The following ERICH1 variants were observed in gnomAD, a reference collection of about 807,000 sequenced individuals.
The protein encoded by ERICH1 is glutamate-rich protein 1.
In ERICH1, 56 loss-of-function variants were observed where a neutral mutation model predicts 39.6. That is an observed-to-expected ratio of 1.41 (90% CI 1.14 to 1.77). The LOEUF is 1.77. ERICH1 is among the 40% of genes most tolerant of loss of function. The pLI, the probability that ERICH1 is intolerant of heterozygous loss-of-function variation, is 0.00. For missense variants in ERICH1, 826 were observed against 575.4 expected (o/e 1.44, Z -4.45); for synonymous variants, 313 against 223.6 (o/e 1.40, Z -3.57).
At chr8:691,927 T>C (rs1403948923) in intron 3 of ERICH1, among the ~76,000 whole-genome samples, 1 of 152,244 alleles carries the variant, frequency 6.6e-6, no homozygotes, top group Non-Finnish European at 1.5e-5. Context: ...GTAAAAAGTA[T>C]ATGGGCAACT....
At chr8:719,586 G>A (rs1207024453) in intron 1 of ERICH1, among the ~76,000 whole-genome samples, 1 of 152,216 alleles carries the variant, frequency 6.6e-6, no homozygotes, top group Non-Finnish European at 1.5e-5. Context: ...CGCGGGACCA[G>A]ATCCTTTTCC....
intron 3 of ERICH1, among the ~76,000 whole-genome samples, chr8:628,376 G>C (rs1485513936): frequency 1.3e-5 from 2 of 152,194 alleles, no homozygotes; most frequent in Non-Finnish European, 2.9e-5. Flanking sequence ...ATAACTTTTG[G>C]CCTCTTGAGA....
intron 3 of ERICH1, among the ~76,000 whole-genome samples, chr8:688,259 G>A (rs1228445014): frequency 1.6e-5 from 2 of 124,948 alleles, no homozygotes; most frequent in Non-Finnish European, 3.5e-5. Flanking sequence ...GCGGCACCCC[G>A]CCCCCAGTTC....
At chr8:714,914 G>A (rs1014094066) in intron 2 of ERICH1, among the ~76,000 whole-genome samples, 1 of 152,100 alleles carries the variant, frequency 6.6e-6, no homozygotes, top group East Asian at 1.9e-4. Context: ...ACCTCTTCCT[G>A]CATCTCTCGG....
intron 2 of ERICH1, among the ~76,000 whole-genome samples, chr8:693,975 T>C (rs1228996172): frequency 2.0e-5 from 3 of 147,628 alleles, no homozygotes; most frequent in Non-Finnish European, 3.0e-5. Context: ...GGGCAGCCTC[T>C]GTCAGTTTAG....
At chr8:686,415 G>A (rs1018225) in intron 3 of ERICH1, among the ~76,000 whole-genome samples, 97,439 of 151,636 alleles carry the variant, frequency 0.64, 31,598 homozygotes, top group East Asian at 0.9. Flanking sequence ...AAGAACAAAT[G>A]CATTCTTTTC....
intron 3 of ERICH1, among the ~76,000 whole-genome samples, chr8:676,805 G>A (rs895078973): frequency 6.6e-6 from 1 of 152,232 alleles, no homozygotes; most frequent in Non-Finnish European, 1.5e-5. Context: ...CAAGGGCGGG[G>A]GTTCAGACAG....
intron 2 of ERICH1, among the ~76,000 whole-genome samples, chr8:706,722 A>G (rs1813367591): frequency 6.6e-6 from 1 of 152,188 alleles, no homozygotes; most frequent in Non-Finnish European, 1.5e-5. Flanking sequence ...GTGAGCCAAG[A>G]TCATGCCATT....
intron 3 of ERICH1, among the ~76,000 whole-genome samples, chr8:625,056 G>C (rs1339096612): frequency 6.6e-6 from 1 of 152,096 alleles, no homozygotes; most frequent in African/African-American, 2.4e-5. Context: ...GGCTTCCTGA[G>C]AACTCACTGC....
rs948679020 is a variant in ERICH1 at position 697,210 on chromosome 8, G to C, written c.170-4598C>G. ...TGCTTTTCACCCATGGCCTGTCTTG[G>C]TGCTGAGGCTCCCGTCCATCCTGAC... On this transcript the variant is annotated intron_variant, in intron 2 of 5. Coordinates refer to ENST00000262109, the MANE Select transcript of ERICH1 (RefSeq NM_207332.3). Among the ~76,000 whole-genome samples the C allele has an allele frequency of 2.6e-5, 4 of 152,168 alleles. No homozygotes were observed. The East Asian group carries it at 7.7e-4, about 29-fold the overall frequency.
intron 3 of ERICH1, chr8:656,727 G>A: frequency 1.0e-6 from 1 of 983,998 alleles, no homozygotes; most frequent in Non-Finnish European, 1.2e-6. Flanking sequence ...TGCAGGTCTG[G>A]GAAGAACATT....
chr8:689,582 C>G (rs1283205793), intron 3 of ERICH1, among the ~76,000 whole-genome samples: 1 of 152,220 alleles, frequency 6.6e-6, no homozygotes, highest in African/African-American at 2.4e-5. Flanking sequence ...TGCAAGCTGC[C>G]AGCACTGTGT....
intron 3 of ERICH1, among the ~76,000 whole-genome samples, chr8:687,372 C>A (rs555790799): frequency 5.0e-4 from 76 of 152,226 alleles, no homozygotes; most frequent in Non-Finnish European, 1.0e-3. Flanking sequence ...TTAATTCCAC[C>A]AGGCGCCAGG....
At chr8:716,388 T>G (rs561100649) in intron 1 of ERICH1, among the ~76,000 whole-genome samples, 1 of 152,346 alleles carries the variant, frequency 6.6e-6, no homozygotes, top group South Asian at 2.1e-4. Context: ...TGGTCCTGGG[T>G]GGACGGTGTC....
intron 2 of ERICH1, among the ~76,000 whole-genome samples, chr8:708,493 G>T (rs1207730613): frequency 6.6e-6 from 1 of 152,058 alleles, no homozygotes; most frequent in Non-Finnish European, 1.5e-5. Context: ...TCTGACCCAT[G>T]CTACAACATG....
rs566874199 is a variant in ERICH1, at chr8:668,716, G to T, written c.1140C>A (p.Ser380Arg). ...EELLDRLASH[S>R]MLPSDVSILY... Reference sequence around the variant, plus strand: ...GGATGGACACGTCTGAGGGCAGCATGCTGTGTGACGCAAGGCGGTCCAGCA... The same window carrying T: ...GGATGGACACGTCTGAGGGCAGCATTCTGTGTGACGCAAGGCGGTCCAGCA... Residue 380 changes from serine to arginine, a missense_variant, in exon 5 of 6, where the codon AGC (serine) becomes AGA (arginine). Ser to Arg is a moderately radical substitution (Grantham distance 110). Coordinates refer to ENST00000262109, the MANE Select transcript of ERICH1 (RefSeq NM_207332.3). 4 of 1,613,882 alleles carry T rather than the reference G, an allele frequency of 2.5e-6. No homozygotes were observed. The highest frequency in any genetic ancestry group is 3.4e-6 in the Non-Finnish European group (4 of 1,179,932).
chr8:677,940 C>T (rs1317135636), intron 3 of ERICH1, among the ~76,000 whole-genome samples: 1 of 151,922 alleles, frequency 6.6e-6, no homozygotes, highest in Non-Finnish European at 1.5e-5. Context: ...AGTGTCGTAC[C>T]CCGGGGTCAG....
intron 1 of ERICH1, among the ~76,000 whole-genome samples, chr8:724,158 G>C (rs78261590): frequency 0.011 from 1,684 of 152,214 alleles, 41 homozygotes; most frequent in African/African-American, 0.039. Flanking sequence ...CCTCACGTAG[G>C]AGGTGAAAAT....
At chr8:684,169 A>T (rs906723363) in intron 3 of ERICH1, among the ~76,000 whole-genome samples, 1 of 152,324 alleles carries the variant, frequency 6.6e-6, no homozygotes, top group Admixed American at 6.5e-5. Context: ...ATAAGCAATA[A>T]AAGTCTTAAA....
Sources: allele counts gnomAD v4.1 joint callset (sites outside exome capture counted in the v4.1 genomes callset), GRCh38; gene constraint gnomAD v4.1.1; transcripts MANE v1.5; gene names NCBI Gene and HGNC (gene_info 2026-07-23, HGNC 2026-07-21).